Variants in SCAPER observed in about 807,000 individuals in gnomAD.
The protein encoded by SCAPER is S-phase cyclin A associated protein in the ER.
In SCAPER, 98 loss-of-function variants were observed where a neutral mutation model predicts 182.2. The ratio of observed to expected loss-of-function variants is 0.54; its 90% confidence interval spans 0.46 to 0.64. SCAPER has a LOEUF of 0.64. Among genes scored for constraint, SCAPER ranks in the 30% least tolerant of loss-of-function variants. The pLI, the probability that SCAPER is intolerant of heterozygous loss-of-function variation, is 0.00. For missense variants in SCAPER, 1,432 were observed against 1,690.0 expected (o/e 0.85, Z 2.68); for synonymous variants, 605 against 564.6 (o/e 1.07, Z -1.01).
At chr15:76,772,304 G>A (rs1272574485) in intron 9 of SCAPER, among the ~76,000 whole-genome samples, 5 of 151,936 alleles carry the variant, frequency 3.3e-5, no homozygotes, top group Admixed American at 3.3e-4. Context: ...TTCATTCACT[G>A]TATTATACTC....
intron 15 of SCAPER, among the ~76,000 whole-genome samples, chr15:76,733,677 C>G (rs1324261188): frequency 1.3e-5 from 2 of 152,034 alleles, no homozygotes; most frequent in Non-Finnish European, 2.9e-5. Flanking sequence ...TTGCTGGAAC[C>G]CAGGAGCCAG....
intron 17 of SCAPER, among the ~76,000 whole-genome samples, chr15:76,719,960 G>C (rs1015445381): frequency 4.0e-5 from 6 of 151,508 alleles, no homozygotes; most frequent in African/African-American, 1.5e-4. Context: ...TTAAGTTTTA[G>C]GGTACATGTG....
chr15:76,537,838 C>G (rs2044322644), intron 23 of SCAPER, among the ~76,000 whole-genome samples: 1 of 152,134 alleles, frequency 6.6e-6, no homozygotes, highest in Non-Finnish European at 1.5e-5. Flanking sequence ...GGGCTAATAT[C>G]CAGAATCTAC....
chr15:76,857,958 A>C (rs2071546676), intron 3 of SCAPER, 79 bp from the exon 4 acceptor site: 5 of 998,338 alleles, frequency 5.0e-6, no homozygotes, highest in Non-Finnish European at 7.5e-6. Flanking sequence ...GTAATTAGAT[A>C]ATGTAAACCT....
chr15:76,874,218 G>A (rs1439604678), intron 2 of SCAPER, among the ~76,000 whole-genome samples: 1 of 151,952 alleles, frequency 6.6e-6, no homozygotes, highest in Non-Finnish European at 1.5e-5. Flanking sequence ...TAAATAACTT[G>A]GGGATCAAGG....
Position 76,714,525 on chromosome 15 carries a change from A to G in SCAPER, c.2166-8541T>C, listed in dbSNP as rs989964928. Among the ~76,000 whole-genome samples, 18 of 137,776 alleles carry G rather than the reference A, an allele frequency of 1.3e-4. No homozygotes were observed. In the Admixed American group the frequency reaches 1.3e-3, roughly 10 times the overall value. The allele number at this position is 137,776 out of a possible 152,430, so 90.4% of individuals were successfully genotyped here. On this transcript the variant is annotated intron_variant, in intron 17 of 31. Coordinates refer to ENST00000563290, the MANE Select transcript of SCAPER (RefSeq NM_020843.4). ...TAAAAAATGTGATTACCATTCTAGTAGTAGTAGTGGTAGTAGTAGTAGTAG... is the reference window on the plus strand; with the variant it reads ...TAAAAAATGTGATTACCATTCTAGTGGTAGTAGTGGTAGTAGTAGTAGTAG...
intron 21 of SCAPER, among the ~76,000 whole-genome samples, chr15:76,630,093 A>C (rs2052960744): frequency 1.3e-5 from 2 of 152,160 alleles, no homozygotes; most frequent in African/African-American, 4.8e-5. Flanking sequence ...TATACAGTAT[A>C]TAGTACTGTG....
At chr15:76,853,135 C>T (rs1418440675) in intron 4 of SCAPER, among the ~76,000 whole-genome samples, 8 of 152,072 alleles carry the variant, frequency 5.3e-5, no homozygotes, top group Admixed American at 3.3e-4. Flanking sequence ...CAGGAACAAA[C>T]TGATTCTCTA....
At chr15:76,467,387 A>G (rs1318904794) in intron 25 of SCAPER, among the ~76,000 whole-genome samples, 1 of 151,432 alleles carries the variant, frequency 6.6e-6, no homozygotes, top group Non-Finnish European at 1.5e-5. Context: ...GATATTGTCC[A>G]CATGCCCCAC....
chr15:76,714,487 C>T (rs995879706), intron 17 of SCAPER, among the ~76,000 whole-genome samples: 2 of 151,764 alleles, frequency 1.3e-5, no homozygotes, highest in African/African-American at 4.8e-5. Flanking sequence ...TAGGCATATA[C>T]TAGACTACAG....
At chr15:76,732,168 T>C (rs1299620663) in intron 16 of SCAPER, among the ~76,000 whole-genome samples, 3 of 152,116 alleles carry the variant, frequency 2.0e-5, no homozygotes, top group Non-Finnish European at 4.4e-5. Flanking sequence ...GTTACTCCAT[T>C]TGGGGTCCTC....
intron 16 of SCAPER, among the ~76,000 whole-genome samples, chr15:76,732,897 T>C (rs987251656): frequency 2.0e-5 from 3 of 152,206 alleles, no homozygotes; most frequent in Non-Finnish European, 4.4e-5. Flanking sequence ...CTGCCTCAGC[T>C]GCCAGGCAGG....
chr15:76,388,342 G>A (rs747445856), intron 27 of SCAPER, among the ~76,000 whole-genome samples: 103 of 152,074 alleles, frequency 6.8e-4, no homozygotes, highest in Non-Finnish European at 5.3e-4. Context: ...TATAGTCCCA[G>A]CTGCTTAGGA....
At chr15:76,557,980 C>A (rs1042240105) in intron 23 of SCAPER, among the ~76,000 whole-genome samples, 1 of 151,984 alleles carries the variant, frequency 6.6e-6, no homozygotes, top group Non-Finnish European at 1.5e-5. Flanking sequence ...CTTTCTTACA[C>A]CATATAAAAA....
intron 26 of SCAPER, among the ~76,000 whole-genome samples, chr15:76,412,893 T>G (rs2142235593): frequency 6.6e-6 from 1 of 152,300 alleles, no homozygotes; most frequent in Non-Finnish European, 1.5e-5. Context: ...CTCCGTTTAT[T>G]TAGGTCTTTA....
intron 8 of SCAPER, among the ~76,000 whole-genome samples, chr15:76,787,940 C>A (rs1019266017): frequency 6.6e-6 from 1 of 152,130 alleles, no homozygotes; most frequent in South Asian, 2.1e-4. Context: ...AAATATCCAA[C>A]ACAACACGAG....
chr15:76,831,283 T>C (rs2068451134), intron 5 of SCAPER, among the ~76,000 whole-genome samples: 1 of 152,116 alleles, frequency 6.6e-6, no homozygotes, highest in Non-Finnish European at 1.5e-5. Context: ...TCCCATTTGC[T>C]GGCCTCTTTC....
rs554338633 is a variant in SCAPER, at chr15:76,653,284, T to C, written c.2645+12369A>G. Among the ~76,000 whole-genome samples, 7 of 152,206 alleles carry C rather than the reference T, an allele frequency of 4.6e-5. No homozygotes were observed. In the South Asian group the frequency reaches 1.2e-3, roughly 27 times the overall value. ...AGAGTCAATAGGGTAAAAATGGCTATACTGCCCAAAGCAATTTACAGATAT... is the reference window on the plus strand; with the variant it reads ...AGAGTCAATAGGGTAAAAATGGCTACACTGCCCAAAGCAATTTACAGATAT... On this transcript the variant is annotated intron_variant, in intron 21 of 31. Coordinates refer to ENST00000563290, the MANE Select transcript of SCAPER (RefSeq NM_020843.4).
At chr15:76,442,471 T>C (rs1403049414) in intron 25 of SCAPER, among the ~76,000 whole-genome samples, 1 of 152,244 alleles carries the variant, frequency 6.6e-6, no homozygotes, top group Admixed American at 6.5e-5. Context: ...AGCACTGTCC[T>C]GGGAGGCCTG....
Sources: allele counts gnomAD v4.1 joint callset (sites outside exome capture counted in the v4.1 genomes callset), GRCh38; gene constraint gnomAD v4.1.1; transcripts MANE v1.5; gene names NCBI Gene and HGNC (gene_info 2026-07-23, HGNC 2026-07-21).